CUL5: variants seen among roughly 807,000 people sequenced by gnomAD.
The protein encoded by CUL5 is cullin-5.
A neutral mutation model predicts 108.8 loss-of-function variants in CUL5; 26 were observed. The observed-to-expected ratio is 0.24, with a 90% CI of 0.18 to 0.33. The LOEUF is 0.33. CUL5 is among the 10% of genes least tolerant of loss of function. The pLI is 1.00. For synonymous variants in CUL5, 334 were observed against 298.0 expected, an observed-to-expected ratio of 1.12 and a Z score of -1.25; for missense variants, 524 against 909.2, an observed-to-expected ratio of 0.58 and a Z score of 5.45.
At chr11:108,031,258 C>G (rs1007069869) in intron 1 of CUL5, among the ~76,000 whole-genome samples, 3 of 151,408 alleles carry the variant, frequency 2.0e-5, no homozygotes, top group Non-Finnish European at 2.9e-5. Flanking sequence ...CTCAGCTACT[C>G]GGAGGCTGAG....
intron 10 of CUL5, among the ~76,000 whole-genome samples, chr11:108,074,581 G>A (rs191666715): frequency 0.023 from 3,566 of 152,076 alleles, 63 homozygotes; most frequent in Middle Eastern, 0.037. Flanking sequence ...AGGGCGGGTG[G>A]ATCACCTGAG....
At chr11:108,094,363 C>G (rs1431510476) in intron 13 of CUL5, 28 bp from the exon 14 acceptor site, 2 of 1,516,238 alleles carry the variant, frequency 1.3e-6, no homozygotes, top group African/African-American at 1.4e-5. Context: ...TATTTATTAC[C>G]TCTTCCTTCT....
intron 13 of CUL5, among the ~76,000 whole-genome samples, chr11:108,090,246 T>C (rs1456028797): frequency 6.6e-6 from 1 of 152,116 alleles, no homozygotes; most frequent in African/African-American, 2.4e-5. Flanking sequence ...CCCAGCACTT[T>C]GGGAGGCCAA....
chr11:108,009,229 C>T lies in CUL5; in HGVS notation c.-120C>T, dbSNP rs908160395. ...GTCGGCGCGCTGCTCCAGCGCCCAC[C>T]ACACCCTGGTGCGGGCCGACGGGCC... is the stretch of plus-strand genomic sequence containing the variant. On this transcript the variant is annotated 5_prime_UTR_variant, in exon 1 of 19. Transcript: ENST00000393094. 1.9e-5 allele frequency: 20 copies of T among 1,073,442 alleles called. No homozygotes were observed. Among genetic ancestry groups the T allele is most frequent in the Non-Finnish European group, 2.8e-5 (20 of 717,450 alleles). 66.5% of individuals were successfully genotyped at this position (1,073,442 alleles called of 1,614,324 possible).
At chr11:108,012,689 C>T (rs1405479728) in intron 1 of CUL5, among the ~76,000 whole-genome samples, 2 of 150,748 alleles carry the variant, frequency 1.3e-5, no homozygotes, top group Non-Finnish European at 3.0e-5. Flanking sequence ...CTCCGCCTCC[C>T]AGGTTCAAGC....
chr11:108,105,097 G>C lies in CUL5; in HGVS notation c.*713G>C, dbSNP rs1018441669. ...TTTTTTTTTTAAATATGGCTGGAAA[G>C]CTTGTTTTGAAAAATGAAGCTTATA... On this transcript the variant is annotated 3_prime_UTR_variant, in exon 19 of 19. Transcript: ENST00000393094. 4.0e-5 allele frequency: 6 copies of C among 151,558 alleles called. No individual in the cohort carries two copies. 9.4% of individuals were successfully genotyped at this position (151,558 alleles called of 1,614,324 possible).
chr11:108,097,787 C>A (rs1345708011), intron 17 of CUL5, 33 bp downstream of exon 17: 2 of 1,218,506 alleles, frequency 1.6e-6, no homozygotes, highest in Non-Finnish European at 1.2e-6. Context: ...AATAAAAACA[C>A]CTTGTTTGAA....
At chr11:108,104,043 G>T (rs1864732275) in intron 18 of CUL5, 147 bp from the exon 19 acceptor site, 1 of 544,318 alleles carries the variant, frequency 1.8e-6, no homozygotes, top group Non-Finnish European at 3.2e-6. Flanking sequence ...AAAGATACTA[G>T]TCTCAACATT....
chr11:108,099,005 C>CTTT lies in CUL5; in HGVS notation c.2148+491_2148+493dup, dbSNP rs4027717. Among the ~76,000 whole-genome samples the CTTT allele has an allele frequency of 2.7e-3, 362 of 133,090 alleles. 12 individuals carry two copies. The highest frequency in any genetic ancestry group is 6.4e-3 in the Admixed American group (80 of 12,570). The allele number at this position is 133,090 out of a possible 152,430, so 87.3% of individuals were successfully genotyped here. On this transcript the variant is annotated intron_variant, in intron 18 of 18. Coordinates refer to ENST00000393094, the MANE Select transcript of CUL5 (RefSeq NM_003478.6). Reference sequence around the variant, plus strand: ...CTATTTGAAACTTCTGGCCAGTGTACTTTTTTTTTTTTTTTTTGAGACAGG... The same window carrying CTTT: ...CTATTTGAAACTTCTGGCCAGTGTACTTTTTTTTTTTTTTTTTTTTGAGACAGG...
At chr11:108,045,141 T>A (rs1395122685) in intron 2 of CUL5, among the ~76,000 whole-genome samples, 1 of 152,214 alleles carries the variant, frequency 6.6e-6, no homozygotes, top group East Asian at 1.9e-4. Flanking sequence ...GAAGAACTTT[T>A]TTGTAAACTA....
chr11:108,022,714 A>G (rs991762681), intron 1 of CUL5, among the ~76,000 whole-genome samples: 2 of 152,162 alleles, frequency 1.3e-5, no homozygotes, highest in African/African-American at 4.8e-5. Context: ...ATGGTACAGT[A>G]TTTAGGCCTG....
intron 11 of CUL5, 118 bp downstream of exon 11, chr11:108,078,358 T>C: frequency 2.1e-6 from 1 of 481,254 alleles, no homozygotes; most frequent in Non-Finnish European, 3.7e-6. Flanking sequence ...GTTTTGTGAC[T>C]TTTGCAGCTT....
chr11:108,017,718 T>C (rs1390405874), intron 1 of CUL5, among the ~76,000 whole-genome samples: 1 of 152,072 alleles, frequency 6.6e-6, no homozygotes, highest in African/African-American at 2.4e-5. Context: ...GGCATGTTAG[T>C]GCATGCCTGT....
At chr11:108,059,582 CTA>C (rs1469575436) in intron 7 of CUL5, among the ~76,000 whole-genome samples, 1 of 151,982 alleles carries the variant, frequency 6.6e-6, no homozygotes, top group Admixed American at 6.6e-5. Context: ...CTTTTCCTAA[CTA>C]TAAAATGGAA....
chr11:108,022,344 T>C (rs1312283624), intron 1 of CUL5, among the ~76,000 whole-genome samples: 1 of 152,186 alleles, frequency 6.6e-6, no homozygotes, highest in Non-Finnish European at 1.5e-5. Context: ...GATTTTTCTA[T>C]TTTTGTTTAC....
At chr11:108,060,109 T>C (rs1452275559) in intron 7 of CUL5, among the ~76,000 whole-genome samples, 2 of 152,078 alleles carry the variant, frequency 1.3e-5, no homozygotes, top group Non-Finnish European at 2.9e-5. Context: ...TTATAAATTA[T>C]TAACATTAAA....
At chr11:108,035,985 C>T (rs148830013) in intron 2 of CUL5, among the ~76,000 whole-genome samples, 12 of 152,210 alleles carry the variant, frequency 7.9e-5, no homozygotes, top group East Asian at 5.8e-4. Flanking sequence ...ATTTCAAGTC[C>T]GAGTGATCAG....
At chr11:108,044,354 A>G (rs1863012204) in intron 2 of CUL5, among the ~76,000 whole-genome samples, 1 of 151,834 alleles carries the variant, frequency 6.6e-6, no homozygotes, top group Admixed American at 6.6e-5. Context: ...TGTCTCTACA[A>G]AAAATAAAAA....
intron 3 of CUL5, among the ~76,000 whole-genome samples, chr11:108,048,119 T>A (rs1270254815): frequency 7.2e-6 from 1 of 138,464 alleles, no homozygotes; most frequent in East Asian, 2.1e-4. Flanking sequence ...GCTTAAGAAA[T>A]TTTTTTTTTT....
Sources: gnomAD v4.1 joint callset for allele counts (sites outside exome capture counted in the v4.1 genomes callset) on GRCh38, gnomAD v4.1.1 for gene constraint, MANE v1.5 for transcripts, NCBI Gene and HGNC (gene_info 2026-07-23, HGNC 2026-07-21) for gene names.